The following GPR158 variants were observed in gnomAD, a reference collection of about 807,000 sequenced individuals.
The protein encoded by GPR158 is G protein-coupled receptor 158, also known as metabotropic glycine receptor.
GPR158 carries 30 observed loss-of-function variants against 78.2 expected under a neutral mutation model. That is an observed-to-expected ratio of 0.38 (90% CI 0.29 to 0.52). The LOEUF is 0.52. GPR158 is among the 20% of genes least tolerant of loss of function. The pLI is 0.83. For missense variants in GPR158, 1,463 were observed against 1,523.5 expected (o/e 0.96, Z 0.66); for synonymous variants, 581 against 591.1 (o/e 0.98, Z 0.25).
chr10:25,176,728 T>A lies in GPR158; in HGVS notation c.902+406T>A, dbSNP rs922369889. 7.9e-5 allele frequency among the ~76,000 whole-genome samples: 12 copies of A among 152,246 alleles called. No homozygotes were observed. The highest frequency in any genetic ancestry group is 2.7e-4 in the African/African-American group (11 of 41,474). ...TGTCCGCGGAGTGGCAAGCCTCAGA[T>A]GAGAGGCGAAAAGGGAGCAGGAGGA... On this transcript the variant is annotated intron_variant, in intron 1 of 10. Transcript: ENST00000376351. This position sits in a 1 kb window ranked among gnomAD's most constrained non-coding sequence, Gnocchi z 6.3.
chr10:25,525,100 TAA>T (rs1227471765), intron 5 of GPR158, among the ~76,000 whole-genome samples: 1 of 151,986 alleles, frequency 6.6e-6, no homozygotes, highest in African/African-American at 2.4e-5. Context: ...ATGGCTGTAA[TAA>T]AAAAGATAGA....
chr10:25,589,850 A>C (rs1837317556), intron 8 of GPR158, among the ~76,000 whole-genome samples: 1 of 152,224 alleles, frequency 6.6e-6, no homozygotes, highest in South Asian at 2.1e-4. Flanking sequence ...TGAAAATGAA[A>C]TGAAACTCTC....
chr10:25,267,681 G>A (rs1854061206), intron 2 of GPR158, among the ~76,000 whole-genome samples: 1 of 152,096 alleles, frequency 6.6e-6, no homozygotes, highest in African/African-American at 2.4e-5. Flanking sequence ...CTTCTAATTT[G>A]ACAAGATTCT....
intron 2 of GPR158, among the ~76,000 whole-genome samples, chr10:25,247,281 C>A (rs2130715343): frequency 6.6e-6 from 1 of 151,426 alleles, no homozygotes; most frequent in East Asian, 1.9e-4. Flanking sequence ...AACAACCTAT[C>A]ATGGTTTTAA....
intron 5 of GPR158, among the ~76,000 whole-genome samples, chr10:25,473,619 C>T (rs1231041932): frequency 6.6e-6 from 1 of 152,026 alleles, no homozygotes; most frequent in East Asian, 1.9e-4. Context: ...ATTAATATTG[C>T]CTCAATTTCA....
In GPR158 at chr10:25,176,393, C is replaced by T; in HGVS notation, c.902+71C>T. 1.7e-6 allele frequency: 2 copies of T among 1,206,350 alleles called. No individual in the cohort carries two copies. Among genetic ancestry groups the T allele is most frequent in the East Asian group, 4.8e-5 (2 of 41,914 alleles). The allele number at this position is 1,206,350 out of a possible 1,614,324, so 74.7% of individuals were successfully genotyped here. ...CCTTCCGGTCTTGTGGGTGGGTGCA[C>T]GTGTGAGGAAGGAACCCTTGGCTGT... is the stretch of plus-strand genomic sequence containing the variant. On this transcript the variant is annotated intron_variant, in intron 1 of 10. Transcript: ENST00000376351. This position sits in a 1 kb window ranked among gnomAD's most constrained non-coding sequence, Gnocchi z 6.3.
At chr10:25,406,505 G>T (rs1834517353) in intron 3 of GPR158, among the ~76,000 whole-genome samples, 1 of 152,126 alleles carries the variant, frequency 6.6e-6, no homozygotes, top group Non-Finnish European at 1.5e-5. Flanking sequence ...CAGTTTAAAA[G>T]AGTTTATTCA....
At chr10:25,555,197 C>T (rs12770279) in intron 6 of GPR158, among the ~76,000 whole-genome samples, 7,768 of 152,076 alleles carry the variant, frequency 0.051, 250 homozygotes, top group Admixed American at 0.088. Flanking sequence ...ATTGACTTGG[C>T]GATGTGGGCT....
chr10:25,231,314 C>A (rs898273468), intron 2 of GPR158, among the ~76,000 whole-genome samples: 1 of 152,046 alleles, frequency 6.6e-6, no homozygotes, highest in Non-Finnish European at 1.5e-5. Context: ...CTGGGATAAT[C>A]TGAGCCAGAA....
At chr10:25,398,508 A>G (rs1301881335) in intron 3 of GPR158, among the ~76,000 whole-genome samples, 2 of 152,234 alleles carry the variant, frequency 1.3e-5, no homozygotes, top group Non-Finnish European at 2.9e-5. Context: ...AGCTCCCACT[A>G]TGTGACTGAA....
intron 3 of GPR158, among the ~76,000 whole-genome samples, chr10:25,398,445 T>C (rs1288173015): frequency 6.6e-6 from 1 of 152,226 alleles, no homozygotes; most frequent in African/African-American, 2.4e-5. Flanking sequence ...GAAAAGGTTT[T>C]AGCTTATGTT....
At chr10:25,263,317 C>T (rs1007921891) in intron 2 of GPR158, among the ~76,000 whole-genome samples, 1 of 152,112 alleles carries the variant, frequency 6.6e-6, no homozygotes, top group Admixed American at 6.5e-5. Context: ...GCTTTCGCTT[C>T]TTTCTCAAAG....
At chr10:25,378,429 G>A (rs1239207984) in intron 2 of GPR158, among the ~76,000 whole-genome samples, 1 of 151,490 alleles carries the variant, frequency 6.6e-6, no homozygotes, top group African/African-American at 2.4e-5. Context: ...ATCATTGTTA[G>A]AAACCTGACA....
chr10:25,419,581 A>C (rs1466498032), intron 4 of GPR158, among the ~76,000 whole-genome samples: 1 of 152,210 alleles, frequency 6.6e-6, no homozygotes, highest in African/African-American at 2.4e-5. Context: ...CGTTTTTCAC[A>C]GAGGCCCCAC....
chr10:25,181,881 C>T (rs1185972740), intron 1 of GPR158, among the ~76,000 whole-genome samples: 1 of 151,928 alleles, frequency 6.6e-6, no homozygotes, highest in African/African-American at 2.4e-5. Flanking sequence ...CCATGCTTGG[C>T]TCTTTTTTTC....
At chr10:25,554,409 T>C (rs761694908) in intron 6 of GPR158, among the ~76,000 whole-genome samples, 12 of 152,204 alleles carry the variant, frequency 7.9e-5, no homozygotes, top group Non-Finnish European at 1.6e-4. Flanking sequence ...GTGGAATTAT[T>C]AGATACTTCT....
At chr10:25,380,056 G>GA (rs933618981) in intron 2 of GPR158, among the ~76,000 whole-genome samples, 1 of 151,628 alleles carries the variant, frequency 6.6e-6, no homozygotes, top group Non-Finnish European at 1.5e-5. Flanking sequence ...TTGTTTCATA[G>GA]AAAAAAACTG....
intron 1 of GPR158, among the ~76,000 whole-genome samples, chr10:25,212,599 TCTTA>T (rs902617731): frequency 6.6e-6 from 1 of 151,380 alleles, no homozygotes; most frequent in Admixed American, 6.6e-5. Flanking sequence ...TTTTGTGTAT[TCTTA>T]CTTAACTACT....
intron 2 of GPR158, among the ~76,000 whole-genome samples, chr10:25,281,027 G>A (rs922546805): frequency 3.5e-4 from 53 of 151,464 alleles, no homozygotes; most frequent in Non-Finnish European, 5.7e-4. Context: ...CTCAGATACT[G>A]GAGAGGCCGA....
Sources: gnomAD v4.1 joint callset for allele counts (sites outside exome capture counted in the v4.1 genomes callset) on GRCh38, gnomAD v4.1.1 for gene constraint, Gnocchi (gnomAD v3.1) non-coding constraint, MANE v1.5 for transcripts, NCBI Gene and HGNC (gene_info 2026-07-23, HGNC 2026-07-21) for gene names.